The following HPD variants were observed in gnomAD, a reference collection of about 807,000 sequenced individuals.
HPD encodes the protein 4-hydroxyphenylpyruvic acid oxidase.
A neutral mutation model predicts 56.9 loss-of-function variants in HPD; 35 were observed. That is an observed-to-expected ratio of 0.62 (90% CI 0.47 to 0.82). The LOEUF is 0.82. HPD is among the 40% of genes least tolerant of loss of function. The pLI is 0.00. For missense variants in HPD, 442 were observed against 506.8 expected (o/e 0.87, Z 1.23); for synonymous variants, 186 against 200.2 (o/e 0.93, Z 0.60).
At chr12:121,880,473 C>T in the HPD span, among the ~76,000 whole-genome samples, 4 of 152,014 alleles carry the variant, frequency 2.6e-5, no homozygotes, top group African/African-American at 4.8e-5. Context: ...GGATTATAGG[C>T]GTGAGCCACC....
the HPD span, among the ~76,000 whole-genome samples, chr12:121,869,250 T>G: frequency 6.6e-6 from 1 of 150,858 alleles, no homozygotes; most frequent in Non-Finnish European, 1.5e-5. Flanking sequence ...CTCAGGAGAC[T>G]GAGGCAGGAG....
At chr12:121,857,514 C>A in intron 3 of HPD, 82 bp from the exon 4 acceptor site, 1 of 1,095,670 alleles carries the variant, frequency 9.1e-7, no homozygotes, top group South Asian at 1.2e-5. Context: ...CCTGGCCCCC[C>A]TCAGCCTGCC....
Position 121,854,728 on chromosome 12 carries a change from T to C in HPD, c.389A>G (p.Lys130Arg), listed in dbSNP as rs754907145. 36 of 1,613,870 alleles carry C rather than the reference T, an allele frequency of 2.2e-5. No homozygotes were observed. Among genetic ancestry groups the C allele is most frequent in the Admixed American group, 5.0e-5 (3 of 59,976 alleles). ...EPWVEQDKFGKVKFAVLQTYG... is the reference protein window; with the variant it reads ...EPWVEQDKFGRVKFAVLQTYG... ...CGTCTGCAGCACAGCAAACTTCACC[T>C]TCCCAAACTTGTCTTGCTCTACCCA... The change falls in exon 7 of 14, where the codon AAG (lysine) becomes AGG (arginine). Residue 130 changes from lysine (K) to arginine (R), a missense_variant. Physicochemically the swap from Lys to Arg is conservative, Grantham distance 26. Transcript: ENST00000289004.
chr12:121,876,809 C>A, the HPD span, among the ~76,000 whole-genome samples: 1 of 152,110 alleles, frequency 6.6e-6, no homozygotes, highest in Non-Finnish European at 1.5e-5. Flanking sequence ...TGTGGCAGGG[C>A]GCGGTGGCTC....
At chr12:121,872,076 C>CAA in the HPD span, among the ~76,000 whole-genome samples, 1,826 of 137,782 alleles carry the variant, frequency 0.013, 21 homozygotes, top group South Asian at 0.028. Context: ...ACTAAAAATA[C>CAA]AAAAAAAAAA....
At chr12:121,841,996 T>C (rs1490261397) in intron 12 of HPD, among the ~76,000 whole-genome samples, 1 of 151,858 alleles carries the variant, frequency 6.6e-6, no homozygotes, top group Admixed American at 6.6e-5. Flanking sequence ...GTGATTCCTT[T>C]TGATGAAATG....
upstream of HPD, among the ~76,000 whole-genome samples, chr12:121,868,315 G>A (rs1878376825): frequency 6.6e-6 from 1 of 152,082 alleles, no homozygotes; most frequent in African/African-American, 2.4e-5. Flanking sequence ...CAGAAGCTGG[G>A]CAATACACTT....
At chr12:121,885,733 C>T in the HPD span, among the ~76,000 whole-genome samples, 7 of 151,062 alleles carry the variant, frequency 4.6e-5, no homozygotes, top group East Asian at 4.1e-4. Flanking sequence ...GAGGCTAAGG[C>T]GGGTGGATTG....
intron 5 of HPD, 47 bp from the exon 6 acceptor site, chr12:121,856,453 C>T (rs1183604851): frequency 6.3e-7 from 1 of 1,599,716 alleles, no homozygotes; most frequent in Non-Finnish European, 8.6e-7. Flanking sequence ...GAGTCTAGGT[C>T]CCCTCACCTG....
chr12:121,841,858 T>C (rs944802962), intron 12 of HPD, among the ~76,000 whole-genome samples: 113 of 152,182 alleles, frequency 7.4e-4, no homozygotes, highest in African/African-American at 2.5e-3. Flanking sequence ...CTAATTTTTG[T>C]ATTTTTAGTA....
chr12:121,872,332 T>G, the HPD span, among the ~76,000 whole-genome samples: 1 of 151,294 alleles, frequency 6.6e-6, no homozygotes, highest in Non-Finnish European at 1.5e-5. Flanking sequence ...CTTCAAGTGA[T>G]TCTCCTGCCT....
chr12:121,876,295 C>T, the HPD span, among the ~76,000 whole-genome samples: 4 of 151,338 alleles, frequency 2.6e-5, no homozygotes, highest in East Asian at 1.9e-4. Context: ...TGGGCCACAG[C>T]GAGACTGTGT....
rs769693430 is a variant in HPD at position 121,843,799 on chromosome 12, A to C, written c.865T>G (p.Leu289Val). Residue 289 changes from leucine to valine, a missense_variant, in exon 12 of 14, where the codon TTA becomes GTA. Coordinates refer to ENST00000289004, the MANE Select transcript of HPD (RefSeq NM_002150.3). Reference sequence around the variant, plus strand: ...TTGTAGTACGTGGAGGGAACAGATAAGAACTCCAGGCCTCTCTCTCTCAAG... The same window carrying C: ...TTGTAGTACGTGGAGGGAACAGATACGAACTCCAGGCCTCTCTCTCTCAAG... The part of the protein sequence containing the change: ...RHLRERGLEF[L>V]SVPSTYYKQL... The C allele has an allele frequency of 6.2e-7, 1 of 1,614,034 alleles. No individual in the cohort carries two copies. The highest frequency in any genetic ancestry group is 1.7e-5 in the Admixed American group (1 of 59,990).
At chr12:121,840,098 C>A (rs942190721) in intron 12 of HPD, 50 bp from the exon 13 acceptor site, 5 of 1,271,992 alleles carry the variant, frequency 3.9e-6, no homozygotes, top group Non-Finnish European at 5.8e-6. Flanking sequence ...ACGGTGAGAT[C>A]CTTGGAAAGT....
chr12:121,884,261 C>A, the HPD span, among the ~76,000 whole-genome samples: 1 of 150,862 alleles, frequency 6.6e-6, no homozygotes, highest in Non-Finnish European at 1.5e-5. Context: ...ACCTCTGCCT[C>A]AAGCAATTCC....
intron 12 of HPD, among the ~76,000 whole-genome samples, chr12:121,842,520 G>A (rs1877439867): frequency 6.6e-6 from 1 of 151,922 alleles, no homozygotes; most frequent in African/African-American, 2.4e-5. Context: ...CTACCTCCTG[G>A]GTTGAAGTGA....
intron 7 of HPD, among the ~76,000 whole-genome samples, chr12:121,851,885 A>ATT (rs1291842213): frequency 4.9e-4 from 7 of 14,338 alleles, no homozygotes; most frequent in East Asian, 2.0e-3. Flanking sequence ...ACTTTTTTGT[A>ATT]TTTTTTTTTT....
At chr12:121,840,991 C>T (rs1289103920) in intron 12 of HPD, among the ~76,000 whole-genome samples, 2 of 151,326 alleles carry the variant, frequency 1.3e-5, no homozygotes, top group Admixed American at 6.6e-5. Context: ...GTCAGGAGTT[C>T]GAGACCAGCC....
At chr12:121,860,436 A>G (rs1878144520), upstream of HPD, among the ~76,000 whole-genome samples, 1 of 152,220 alleles carries the variant, frequency 6.6e-6, no homozygotes, top group African/African-American at 2.4e-5. Flanking sequence ...GCAGGCATCT[A>G]GAGGTAGGAA....
Sources: allele counts gnomAD v4.1 joint callset (sites outside exome capture counted in the v4.1 genomes callset), GRCh38; gene constraint gnomAD v4.1.1; transcripts MANE v1.5; gene names NCBI Gene and HGNC (gene_info 2026-07-23, HGNC 2026-07-21).